TBCK: variants seen among roughly 807,000 people sequenced by gnomAD.
The protein encoded by TBCK is TBC1 domain containing kinase.
TBCK carries 99 observed loss-of-function variants against 113.4 expected under a neutral mutation model. That is an observed-to-expected ratio of 0.87 (90% CI 0.74 to 1.03). The LOEUF (loss-of-function observed/expected upper bound fraction) is 1.03. Among genes scored for constraint, TBCK ranks in the 50% least tolerant of loss-of-function variants. The pLI, the probability that TBCK is intolerant of heterozygous loss-of-function variation, is 0.00. For synonymous variants in TBCK, 369 were observed against 370.8 expected (o/e 1.00, Z 0.05); for missense variants, 1,045 against 1,061.3 (o/e 0.98, Z 0.21).
intron 23 of TBCK, among the ~76,000 whole-genome samples, chr4:106,164,734 T>G (rs938256517): frequency 8.6e-5 from 13 of 151,790 alleles, no homozygotes; most frequent in African/African-American, 3.1e-4. Context: ...TGGTGTTATT[T>G]TTAAACTGTT....
At chr4:106,217,818 T>C (rs12641650) in intron 19 of TBCK, among the ~76,000 whole-genome samples, 11,829 of 136,744 alleles carry the variant, frequency 0.087, 686 homozygotes, top group South Asian at 0.15. Context: ...GATTCAATGC[T>C]ATCCCCATAA....
intron 19 of TBCK, among the ~76,000 whole-genome samples, chr4:106,223,148 G>GA (rs948629120): frequency 6.6e-6 from 1 of 152,062 alleles, no homozygotes; most frequent in African/African-American, 2.4e-5. Flanking sequence ...ATTAAGCAAA[G>GA]ATGTGCACTA....
intron 22 of TBCK, among the ~76,000 whole-genome samples, chr4:106,173,925 G>A (rs17036596): frequency 0.011 from 1,739 of 152,140 alleles, 32 homozygotes; most frequent in African/African-American, 0.04. Context: ...TGGTTTCCCA[G>A]GTTTGAATTA....
chr4:106,231,447 T>C (rs1758847795), intron 18 of TBCK, among the ~76,000 whole-genome samples: 1 of 151,776 alleles, frequency 6.6e-6, no homozygotes, highest in Non-Finnish European at 1.5e-5. Context: ...TTGATTTCTT[T>C]ACAAATTCTT....
chr4:106,049,116 G>A (rs980768895), intron 25 of TBCK, among the ~76,000 whole-genome samples: 1 of 152,090 alleles, frequency 6.6e-6, no homozygotes. Context: ...GTGAAACCAC[G>A]ACTGCATCTT....
At chr4:106,096,996 T>C (rs1257623377) in intron 24 of TBCK, among the ~76,000 whole-genome samples, 2 of 152,208 alleles carry the variant, frequency 1.3e-5, no homozygotes, top group Non-Finnish European at 2.9e-5. Context: ...CTAGTAACTA[T>C]ATCTATAATC....
chr4:106,065,524 C>T (rs1183935690), intron 25 of TBCK, among the ~76,000 whole-genome samples: 2 of 152,000 alleles, frequency 1.3e-5, no homozygotes, highest in Non-Finnish European at 2.9e-5. Flanking sequence ...GGTCTTCCTA[C>T]CAATAGATGC....
In TBCK at chr4:106,247,239, T is replaced by C. The variant is rs771533438; in HGVS notation, c.831A>G (p.Ser277=). 1.9e-6 allele frequency: 3 copies of C among 1,612,284 alleles called. No homozygotes were observed. Among genetic ancestry groups the C allele is most frequent in the Non-Finnish European group, 2.5e-6 (3 of 1,178,674 alleles). The change falls in exon 10 of 26, where the codon TCA becomes TCG. Residue 277 remains serine, a synonymous_variant. Coordinates refer to ENST00000394708, the MANE Select transcript of TBCK (RefSeq NM_001163435.3). ...LMKDKVFSEV[S]PLYTPFTKPA... ...GTTTGGTAAAGGGGGTATATAAAGG[T>C]GATACCTCACTGAATACTTTGTCCT...
intron 3 of TBCK, among the ~76,000 whole-genome samples, chr4:106,282,318 T>C (rs1764684539): frequency 1.3e-5 from 2 of 152,032 alleles, no homozygotes; most frequent in Admixed American, 6.6e-5. Flanking sequence ...ATCTAAAGGT[T>C]TGTAAATCTT....
At chr4:106,272,169 T>C (rs1422256229) in intron 3 of TBCK, among the ~76,000 whole-genome samples, 3 of 152,214 alleles carry the variant, frequency 2.0e-5, no homozygotes, top group Non-Finnish European at 4.4e-5. Context: ...GGGCTATCTT[T>C]TTCTAATTGT....
At chr4:106,086,735 C>T (rs1056460564) in intron 25 of TBCK, among the ~76,000 whole-genome samples, 4 of 152,130 alleles carry the variant, frequency 2.6e-5, no homozygotes, top group Non-Finnish European at 4.4e-5. Flanking sequence ...TTATCCATCA[C>T]GATCAAGTCA....
At chr4:106,205,694 A>T (rs960252381) in intron 20 of TBCK, among the ~76,000 whole-genome samples, 6 of 148,798 alleles carry the variant, frequency 4.0e-5, no homozygotes, top group African/African-American at 1.5e-4. Context: ...TGAACCCGGG[A>T]GGCAGAGGTT....
In TBCK at chr4:106,046,661, T is replaced by C. The variant is rs1477101164; in HGVS notation, c.2591A>G (p.Lys864Arg). The change falls in exon 26 of 26, where the codon AAG becomes AGG. Residue 864 changes from lysine (K) to arginine (R), a missense_variant. Coordinates refer to ENST00000394708, the MANE Select transcript of TBCK (RefSeq NM_001163435.3). ...HTAEFAAHLV[K>R]MKYPRICILD... ...AATACAGATTCTTGGATATTTCATC[T>C]TCACAAGGTGAGCTGCAAACTGGAA... is the stretch of plus-strand genomic sequence containing the variant. The C allele has an allele frequency of 5.0e-6, 8 of 1,610,976 alleles. No homozygotes were observed. Among genetic ancestry groups the C allele is most frequent in the Non-Finnish European group, 5.1e-6 (6 of 1,177,832 alleles).
intron 5 of TBCK, among the ~76,000 whole-genome samples, chr4:106,258,170 A>G (rs1277573006): frequency 6.6e-6 from 1 of 152,046 alleles, no homozygotes; most frequent in East Asian, 1.9e-4. Flanking sequence ...CTTCTGTAGC[A>G]TAGCATTTTA....
At chr4:106,194,155 G>T (rs1753955609) in intron 21 of TBCK, among the ~76,000 whole-genome samples, 2 of 151,840 alleles carry the variant, frequency 1.3e-5, no homozygotes, top group Non-Finnish European at 2.9e-5. Context: ...AAAATCCTAT[G>T]AGCAACTTCC....
At chr4:106,200,774 C>T (rs1329415453) in intron 20 of TBCK, among the ~76,000 whole-genome samples, 1 of 151,910 alleles carries the variant, frequency 6.6e-6, no homozygotes, top group Admixed American at 6.6e-5. Context: ...AATAGGCACA[C>T]AAATATTTGT....
At chr4:106,222,055 C>T (rs541511252) in intron 19 of TBCK, among the ~76,000 whole-genome samples, 2 of 152,204 alleles carry the variant, frequency 1.3e-5, no homozygotes, top group Admixed American at 1.3e-4. Context: ...TTCTAACCTA[C>T]ACATGACCTA....
chr4:106,087,093 CAA>C (rs1739600877), intron 25 of TBCK, among the ~76,000 whole-genome samples: 1 of 152,066 alleles, frequency 6.6e-6, no homozygotes, highest in Admixed American at 6.6e-5. Context: ...GGAAATCAGG[CAA>C]GAGAAAGAAA....
rs1228074613 is a variant in TBCK, at chr4:106,044,264, T to G, written c.*2306A>C. The G allele has an allele frequency of 6.6e-6, 1 of 152,180 alleles. No homozygotes were observed. The highest frequency in any genetic ancestry group is 1.9e-4 in the East Asian group (1 of 5,180). The allele number at this position is 152,180 out of a possible 1,614,324, so 9.4% of individuals were successfully genotyped here. ...ACTCAGAATGATCATCAATGGTGCA[T>G]TCTGATTATGAACTCAGGTAAGTCA... On this transcript the variant is annotated 3_prime_UTR_variant, in exon 26 of 26. Coordinates refer to ENST00000394708, the MANE Select transcript of TBCK (RefSeq NM_001163435.3).
Sources: allele counts gnomAD v4.1 joint callset (sites outside exome capture counted in the v4.1 genomes callset), GRCh38; gene constraint gnomAD v4.1.1; transcripts MANE v1.5; gene names NCBI Gene and HGNC (gene_info 2026-07-23, HGNC 2026-07-21).